Variants in CPED1 observed in about 807,000 individuals in gnomAD.
CPED1 encodes cadherin-like and PC-esterase domain-containing protein 1.
Under a neutral mutation model 128.2 loss-of-function variants are expected in CPED1, and 114 were observed. The ratio of observed to expected loss-of-function variants is 0.89; its 90% CI spans 0.76 to 1.04. The LOEUF (loss-of-function observed/expected upper bound fraction) is 1.04, where lower values mean the gene tolerates loss of function less well. Ranked by LOEUF, CPED1 falls within the 50% of genes least tolerant of loss-of-function variation. CPED1 has a pLI of 0.00. For synonymous variants in CPED1, 462 were observed against 426.7 expected (o/e 1.08, Z -1.02); for missense variants, 1,211 against 1,207.1 (o/e 1.00, Z -0.05).
intron 7 of CPED1, among the ~76,000 whole-genome samples, chr7:121,102,109 TA>T (rs1794864002): frequency 6.6e-6 from 1 of 152,176 alleles, no homozygotes; most frequent in Non-Finnish European, 1.5e-5. Flanking sequence ...TTACTTCTGA[TA>T]TTTTTTACCA....
In CPED1 at chr7:121,142,125, C is replaced by A. The variant is rs1193488711; in HGVS notation, c.2039C>A (p.Ala680Glu). Reference sequence around the variant, plus strand: ...CTGCCCTTGTTTGAGGCCTTCACAGCATGTGGTTTTGTGCAGGTAAGTGAA... The same window carrying A: ...CTGCCCTTGTTTGAGGCCTTCACAGAATGTGGTTTTGTGCAGGTAAGTGAA... Reference protein sequence around the residue: ...PSLPLFEAFTACGFVQDCGLL... With the variant: ...PSLPLFEAFTECGFVQDCGLL... The change falls in exon 16 of 23, where the codon GCA becomes GAA. Residue 680 changes from alanine (A) to glutamate (E), a missense_variant. Coordinates refer to ENST00000310396, the MANE Select transcript of CPED1 (RefSeq NM_024913.5). 6.2e-7 allele frequency: 1 copy of A among 1,610,838 alleles called. No homozygotes were observed.
chr7:121,071,455 C>G (rs1252073960), intron 5 of CPED1, among the ~76,000 whole-genome samples: 1 of 152,086 alleles, frequency 6.6e-6, no homozygotes, highest in Non-Finnish European at 1.5e-5. Flanking sequence ...TTAATTAAAA[C>G]TTTACTCTCT....
At chr7:121,120,984 A>C (rs3933178) in intron 7 of CPED1, among the ~76,000 whole-genome samples, 11 of 136,072 alleles carry the variant, frequency 8.1e-5, no homozygotes, top group East Asian at 2.0e-4. Context: ...AAAAAAAAAA[A>C]AAACAAAAAA....
At chr7:121,165,171 A>T (rs1171568226) in intron 16 of CPED1, among the ~76,000 whole-genome samples, 1 of 152,220 alleles carries the variant, frequency 6.6e-6, no homozygotes, top group African/African-American at 2.4e-5. Context: ...CAAAAAAGGA[A>T]AAGTAATATC....
intron 3 of CPED1, among the ~76,000 whole-genome samples, chr7:121,033,448 C>T (rs1243038602): frequency 2.6e-5 from 4 of 152,144 alleles, no homozygotes; most frequent in Admixed American, 2.0e-4. Context: ...CCTAGCTATT[C>T]ACTAAATAAA....
Position 121,236,186 on chromosome 7 carries a change from G to A in CPED1, c.2056-528G>A, listed in dbSNP as rs1470887650. Among the ~76,000 whole-genome samples, 4 of 152,092 alleles carry A rather than the reference G, an allele frequency of 2.6e-5. No homozygotes were observed. In the East Asian group the frequency reaches 7.7e-4, roughly 29 times the overall value. ...GTCAGACTATTGAAAACATTGCTTA[G>A]TATAGCACATGCCTCTATAATGATA... On this transcript the variant is annotated intron_variant, in intron 16 of 22. Transcript: ENST00000310396.
intron 16 of CPED1, among the ~76,000 whole-genome samples, chr7:121,192,970 T>C (rs1797180120): frequency 6.6e-6 from 1 of 152,182 alleles, no homozygotes; most frequent in South Asian, 2.1e-4. Context: ...AAAATCATTC[T>C]GGGACACCAC....
chr7:121,243,123 C>T (rs1798441445), intron 17 of CPED1, among the ~76,000 whole-genome samples: 1 of 152,032 alleles, frequency 6.6e-6, no homozygotes, highest in South Asian at 2.1e-4. Context: ...TCCTTTCTAA[C>T]TCAAGAACTA....
rs1794472237 is a variant in CPED1 at position 121,087,828 on chromosome 7, G to T, written c.617-9871G>T. ...ACGCCCACCACCATGCCTGGCTAAT[G>T]TTTTTTAATTTTTAGTAGAGACAGG... On this transcript the variant is annotated intron_variant, in intron 5 of 22. Coordinates refer to ENST00000310396, the MANE Select transcript of CPED1 (RefSeq NM_024913.5). Among the ~76,000 whole-genome samples the T allele has an allele frequency of 2.6e-5, 4 of 151,674 alleles. No homozygotes were observed. The South Asian group carries it at 8.3e-4, about 32-fold the overall frequency.
At chr7:121,057,161 G>A (rs1793520860) in intron 4 of CPED1, among the ~76,000 whole-genome samples, 2 of 152,028 alleles carry the variant, frequency 1.3e-5, no homozygotes, top group Admixed American at 6.6e-5. Context: ...TGTATTTTTA[G>A]TAGAGATGAG....
chr7:121,018,553 G>T (rs1262580001), intron 3 of CPED1, among the ~76,000 whole-genome samples: 1 of 151,990 alleles, frequency 6.6e-6, no homozygotes, highest in Non-Finnish European at 1.5e-5. Flanking sequence ...AAACAAAACA[G>T]ATACTCTCAC....
chr7:121,286,545 C>A (rs1792578993), intron 22 of CPED1, among the ~76,000 whole-genome samples: 1 of 152,142 alleles, frequency 6.6e-6, no homozygotes, highest in Admixed American at 6.5e-5. Context: ...CTTTCTCCTA[C>A]CCCTGGGAGA....
intron 16 of CPED1, among the ~76,000 whole-genome samples, chr7:121,234,956 C>G (rs772268260): frequency 3.3e-5 from 5 of 152,078 alleles, no homozygotes; most frequent in Non-Finnish European, 5.9e-5. Flanking sequence ...CTAGAGTAGA[C>G]CCAGAAGGCT....
intron 16 of CPED1, among the ~76,000 whole-genome samples, chr7:121,218,303 C>G (rs2116614343): frequency 6.6e-6 from 1 of 151,994 alleles, no homozygotes; most frequent in Admixed American, 6.6e-5. Flanking sequence ...TTACACCCAC[C>G]TAATAATTGT....
At chr7:121,047,129 C>T (rs545751005) in intron 4 of CPED1, 136 bp downstream of exon 4, 5 of 518,782 alleles carry the variant, frequency 9.6e-6, no homozygotes, top group African/African-American at 3.9e-5. Context: ...ACTGGCCATG[C>T]CTTATATACT....
chr7:121,143,468 A>G (rs528442330), intron 16 of CPED1, among the ~76,000 whole-genome samples: 3 of 152,120 alleles, frequency 2.0e-5, no homozygotes, highest in South Asian at 2.1e-4. Flanking sequence ...GGTCTACACT[A>G]TGGAGAAGAC....
At chr7:121,008,226 C>T (rs1792073641) in intron 2 of CPED1, among the ~76,000 whole-genome samples, 2 of 152,152 alleles carry the variant, frequency 1.3e-5, no homozygotes, top group Non-Finnish European at 2.9e-5. Context: ...CAAAGTTCTT[C>T]AAAGTCGGAC....
intron 16 of CPED1, among the ~76,000 whole-genome samples, chr7:121,170,100 C>T (rs948207360): frequency 6.6e-6 from 1 of 152,252 alleles, no homozygotes; most frequent in Non-Finnish European, 1.5e-5. Context: ...TCACAAAGCA[C>T]GTGGTATAAG....
intron 4 of CPED1, among the ~76,000 whole-genome samples, chr7:121,049,871 C>T (rs1222507619): frequency 1.3e-5 from 2 of 152,186 alleles, no homozygotes; most frequent in Non-Finnish European, 2.9e-5. Context: ...GGTTTTGTCA[C>T]ATCTGGGGGG....
Sources: gnomAD v4.1 joint callset for allele counts (sites outside exome capture counted in the v4.1 genomes callset) on GRCh38, gnomAD v4.1.1 for gene constraint, MANE v1.5 for transcripts, NCBI Gene and HGNC (gene_info 2026-07-23, HGNC 2026-07-21) for gene names.